The following PRKN variants were observed in gnomAD, a reference collection of about 807,000 sequenced individuals.
PRKN encodes the protein E3 ubiquitin-protein ligase parkin.
PRKN carries 56 observed loss-of-function variants against 59.5 expected under a neutral mutation model. The ratio of observed to expected loss-of-function variants is 0.94; its 90% CI spans 0.76 to 1.18. The LOEUF (loss-of-function observed/expected upper bound fraction) is 1.18, where lower values mean the gene tolerates loss of function less well. Among genes scored for constraint, PRKN ranks in the 50% most tolerant of loss-of-function variants. PRKN has a pLI of 0.00. For missense variants in PRKN, 657 were observed against 596.4 expected (o/e 1.10, Z -1.06); for synonymous variants, 250 against 222.1 (o/e 1.13, Z -1.12).
chr6:162,608,334 T>C (rs1782004747), intron 1 of PRKN, among the ~76,000 whole-genome samples: 1 of 152,074 alleles, frequency 6.6e-6, no homozygotes, highest in African/African-American at 2.4e-5. Flanking sequence ...AACAGGTGAA[T>C]ATACCGACAA....
rs1385327320 is a variant in PRKN, at chr6:161,400,900, C to T, written c.1084-14023G>A. Among the ~76,000 whole-genome samples, 1 of 152,192 alleles carries T rather than the reference C, an allele frequency of 6.6e-6. No individual in the cohort carries two copies. Among genetic ancestry groups the T allele is most frequent in the Non-Finnish European group, 1.5e-5 (1 of 68,042 alleles). On this transcript the variant is annotated intron_variant, in intron 9 of 11. Transcript: ENST00000366898. This position sits in a 1 kb window ranked among gnomAD's most constrained non-coding sequence, Gnocchi z 4.2. Reference sequence around the variant, plus strand: ...GGGTTATCGCTAACTTTCACTGTGTCTGATTTACTTGTTTGCACACTTTGT... The same window carrying T: ...GGGTTATCGCTAACTTTCACTGTGTTTGATTTACTTGTTTGCACACTTTGT...
At chr6:162,727,322 G>GGGC (rs1334613875) in intron 1 of PRKN, 3 of 383,224 alleles carry the variant, frequency 7.8e-6, no homozygotes, top group Non-Finnish European at 1.4e-5. Context: ...CGAAGGTGAG[G>GGGC]GGCGGCGGCG....
At chr6:162,323,505 T>C (rs1430132033) in intron 2 of PRKN, among the ~76,000 whole-genome samples, 1 of 152,038 alleles carries the variant, frequency 6.6e-6, no homozygotes, top group Non-Finnish European at 1.5e-5. Context: ...ATATTTGATA[T>C]ATGATATATT....
In PRKN at chr6:161,773,448, CATCT is replaced by C. The variant is rs552283594; in HGVS notation, c.871+12320_871+12323del. 1.2e-3 allele frequency among the ~76,000 whole-genome samples: 182 copies of C among 152,248 alleles called. 6 individuals are homozygous for C. In the South Asian group the frequency reaches 0.037, roughly 31 times the overall value. On this transcript the variant is annotated intron_variant, in intron 7 of 11. Coordinates refer to ENST00000366898, the MANE Select transcript of PRKN (RefSeq NM_004562.3). ...TTCTACTATCTGTTTATCTATCTAT[CATCT>C]ATCTATCTATTATCAATCAATCAAC...
chr6:161,860,883 C>T (rs1264848972), intron 6 of PRKN, among the ~76,000 whole-genome samples: 14 of 152,140 alleles, frequency 9.2e-5, no homozygotes. Context: ...CAATGAGATA[C>T]CATCTTACAC....
rs955084072 is a variant in PRKN at position 161,575,979 on chromosome 6, C to T, written c.872-6563G>A. Among the ~76,000 whole-genome samples, 3 of 152,200 alleles carry T rather than the reference C, an allele frequency of 2.0e-5. No individual in the cohort carries two copies. The highest frequency in any genetic ancestry group is 4.8e-5 in the African/African-American group (2 of 41,452). On this transcript the variant is annotated intron_variant, in intron 7 of 11. Transcript: ENST00000366898. The surrounding 1 kb of genome is among the most constrained non-coding windows in gnomAD (Gnocchi z 4.6). The stretch of plus-strand genomic sequence containing the variant: ...TGAGCACAAGCCAGAGAGCATGGGC[C>T]ACATGTGCAGGCTGGGCTGCAGCAG...
intron 4 of PRKN, among the ~76,000 whole-genome samples, chr6:162,173,472 A>G (rs1783384454): frequency 6.6e-6 from 1 of 151,738 alleles, no homozygotes; most frequent in Non-Finnish European, 1.5e-5. Context: ...GACCTTTGAC[A>G]CTTGTGAGCA....
chr6:162,097,953 A>C (rs1779810951), intron 4 of PRKN, among the ~76,000 whole-genome samples: 1 of 152,212 alleles, frequency 6.6e-6, no homozygotes, highest in African/African-American at 2.4e-5. Context: ...ATTTCTTGGT[A>C]AGAGCGTTGA....
intron 7 of PRKN, among the ~76,000 whole-genome samples, chr6:161,594,092 G>T (rs1781825583): frequency 6.6e-6 from 1 of 152,112 alleles, no homozygotes; most frequent in African/African-American, 2.4e-5. Flanking sequence ...GAACCCTGGA[G>T]GCAGAGGTTG....
At chr6:161,740,096 T>C (rs923241457) in intron 7 of PRKN, among the ~76,000 whole-genome samples, 3 of 152,184 alleles carry the variant, frequency 2.0e-5, no homozygotes, top group African/African-American at 7.2e-5. Flanking sequence ...TCAGCCTGAG[T>C]TAACCAATGT....
At chr6:161,820,733 T>G (rs1035751168) in intron 6 of PRKN, among the ~76,000 whole-genome samples, 1 of 149,220 alleles carries the variant, frequency 6.7e-6, no homozygotes, top group Admixed American at 6.7e-5. Context: ...TATATATTCA[T>G]TTATAGGTGT....
intron 9 of PRKN, among the ~76,000 whole-genome samples, chr6:161,505,651 G>C (rs1423632540): frequency 1.3e-5 from 2 of 149,586 alleles, no homozygotes; most frequent in Non-Finnish European, 3.0e-5. Flanking sequence ...GGGTTTTTAT[G>C]GTTTTAGGTC....
chr6:161,822,504 C>T (rs530679280), intron 6 of PRKN, among the ~76,000 whole-genome samples: 2 of 152,274 alleles, frequency 1.3e-5, no homozygotes, highest in East Asian at 1.9e-4. Flanking sequence ...GGCGAAACCC[C>T]GTCTCAACTA....
intron 7 of PRKN, among the ~76,000 whole-genome samples, chr6:161,638,281 T>C (rs1783603830): frequency 6.6e-6 from 1 of 151,870 alleles, no homozygotes; most frequent in African/African-American, 2.4e-5. Context: ...TACAGGCACA[T>C]GCCACCATGC....
chr6:162,491,964 G>T (rs143879813), intron 1 of PRKN, among the ~76,000 whole-genome samples: 1 of 152,268 alleles, frequency 6.6e-6, no homozygotes, highest in African/African-American at 2.4e-5. Flanking sequence ...TGAGTACCTC[G>T]GTGCCTCTGC....
intron 2 of PRKN, among the ~76,000 whole-genome samples, chr6:162,371,173 C>A (rs1001682620): frequency 6.6e-6 from 1 of 152,146 alleles, no homozygotes; most frequent in Admixed American, 6.5e-5. Flanking sequence ...CGGGATGCTT[C>A]CTGGGGACAG....
chr6:162,268,004 C>T (rs1400948505), intron 2 of PRKN, among the ~76,000 whole-genome samples: 1 of 152,006 alleles, frequency 6.6e-6, no homozygotes, highest in Non-Finnish European at 1.5e-5. Context: ...TAATGAGATT[C>T]TAAAATTGTT....
At chr6:161,985,077 C>G (rs1367886250) in intron 5 of PRKN, among the ~76,000 whole-genome samples, 1 of 152,172 alleles carries the variant, frequency 6.6e-6, no homozygotes, top group Non-Finnish European at 1.5e-5. Context: ...TTCCAACAAA[C>G]GTTTGGAGAT....
intron 7 of PRKN, among the ~76,000 whole-genome samples, chr6:161,766,813 A>T (rs1789441674): frequency 6.6e-6 from 1 of 152,180 alleles, no homozygotes; most frequent in Non-Finnish European, 1.5e-5. Context: ...GGATCATAAC[A>T]TCTTTGAGGT....
Sources: gnomAD v4.1 joint callset for allele counts (sites outside exome capture counted in the v4.1 genomes callset) on GRCh38, gnomAD v4.1.1 for gene constraint, Gnocchi (gnomAD v3.1) non-coding constraint, MANE v1.5 for transcripts, NCBI Gene and HGNC (gene_info 2026-07-23, HGNC 2026-07-21) for gene names.